The following GUCA1C variants were observed in gnomAD, a reference collection of about 807,000 sequenced individuals.
The protein encoded by GUCA1C is guanylyl cyclase-activating protein 3.
In GUCA1C, 15 loss-of-function variants were observed where a neutral mutation model predicts 16.2. That is an observed-to-expected ratio of 0.93 (90% CI 0.62 to 1.43). The LOEUF is 1.43. Among genes scored for constraint, GUCA1C ranks in the 40% most tolerant of loss-of-function variants. The pLI is 0.00. For synonymous variants in GUCA1C, 78 were observed against 85.4 expected, an observed-to-expected ratio of 0.91 and a Z score of 0.48; for missense variants, 275 against 244.8, an observed-to-expected ratio of 1.12 and a Z score of -0.82.
chr3:108,931,687 A>G (rs1243883006), intron 1 of GUCA1C, among the ~76,000 whole-genome samples: 1 of 152,124 alleles, frequency 6.6e-6, no homozygotes, highest in Non-Finnish European at 1.5e-5. Context: ...TCTATGAATC[A>G]GGAGGAAAAA....
rs780451064 is a variant in GUCA1C at position 108,953,737 on chromosome 3, C to T, written c.26G>A (p.Gly9Asp). The T allele has an allele frequency of 6.2e-6, 10 of 1,612,960 alleles. No individual in the cohort carries two copies. Among genetic ancestry groups the T allele is most frequent in the Non-Finnish European group, 8.5e-6 (10 of 1,178,994 alleles). Reference sequence around the variant, plus strand: ...TTGTGTAGGAACTGCTTTCTGATCACCAGCTATAGATTTGCCATTCCCCAT... The same window carrying T: ...TTGTGTAGGAACTGCTTTCTGATCATCAGCTATAGATTTGCCATTCCCCAT... MGNGKSIA[G>D]DQKAVPTQET... Residue 9 changes from glycine to aspartate, a missense_variant, in exon 1 of 4, where the codon GGT (glycine) becomes GAT (aspartate). Physicochemically the swap from Gly to Asp is moderately conservative, Grantham distance 94. Transcript: ENST00000261047.
chr3:108,941,932 C>T (rs961909830), intron 1 of GUCA1C, among the ~76,000 whole-genome samples: 1 of 152,196 alleles, frequency 6.6e-6, no homozygotes, highest in Non-Finnish European at 1.5e-5. Context: ...GCCAGTTATG[C>T]TCTAGCTGTA....
intron 1 of GUCA1C, among the ~76,000 whole-genome samples, chr3:108,934,304 C>T (rs145030340): frequency 4.6e-5 from 7 of 152,150 alleles, no homozygotes; most frequent in African/African-American, 1.7e-4. Flanking sequence ...TGTAACAAAC[C>T]TGCATGCTTT....
chr3:108,914,603 A>T lies in GUCA1C; in HGVS notation c.442+1524T>A, dbSNP rs140276478. On this transcript the variant is annotated intron_variant, in intron 3 of 3. Transcript: ENST00000261047. ...ATAAACCAAGTCTTAAAACTTTGTG[A>T]TGTCCCATCTACTTCCGGAGTACTC... Among the ~76,000 whole-genome samples, 91 of 152,314 alleles carry T rather than the reference A, an allele frequency of 6.0e-4. 1 individual carries two copies. The highest frequency in any genetic ancestry group is 2.2e-3 in the African/African-American group (90 of 41,572).
chr3:108,937,983 T>C (rs924002974), intron 1 of GUCA1C, among the ~76,000 whole-genome samples: 4 of 151,994 alleles, frequency 2.6e-5, no homozygotes, highest in African/African-American at 9.7e-5. Flanking sequence ...AGACAGAGAA[T>C]TGCTTGAACC....
chr3:108,913,998 G>A (rs533753399), intron 3 of GUCA1C, among the ~76,000 whole-genome samples: 7 of 151,024 alleles, frequency 4.6e-5, no homozygotes, highest in African/African-American at 1.5e-4. Flanking sequence ...CCCAGGAGGC[G>A]GAGGTTGCAG....
chr3:108,953,460 A>G, intron 1 of GUCA1C, 99 bp downstream of exon 1: 1 of 764,672 alleles, frequency 1.3e-6, no homozygotes, highest in Non-Finnish European at 2.2e-6. Context: ...AGTGGGATGT[A>G]CACATTTTAC....
intron 1 of GUCA1C, among the ~76,000 whole-genome samples, chr3:108,937,725 G>A (rs1454662417): frequency 6.6e-6 from 1 of 152,130 alleles, no homozygotes; most frequent in Non-Finnish European, 1.5e-5. Context: ...TTCTAATAAG[G>A]CCCTACACAG....
intron 1 of GUCA1C, among the ~76,000 whole-genome samples, chr3:108,945,164 C>T (rs1313225143): frequency 2.0e-5 from 3 of 152,210 alleles, no homozygotes; most frequent in African/African-American, 4.8e-5. Context: ...GTGAAGCCTA[C>T]GGATGCTTAG....
In GUCA1C at chr3:108,917,820, C is replaced by T. The variant is rs566616072; in HGVS notation, c.355-1606G>A. ...CAGCACTTTGGGAGGCTGAGGTGGG[C>T]GGATCACGAGGTCAGGAGTTCATAG... On this transcript the variant is annotated intron_variant, in intron 2 of 3. Coordinates refer to ENST00000261047, the MANE Select transcript of GUCA1C (RefSeq NM_005459.4). 4.6e-5 allele frequency among the ~76,000 whole-genome samples: 7 copies of T among 152,130 alleles called. No homozygotes were observed. The East Asian group carries it at 7.8e-4, about 17-fold the overall frequency.
At chr3:108,938,135 G>A (rs774025807) in intron 1 of GUCA1C, among the ~76,000 whole-genome samples, 3 of 151,886 alleles carry the variant, frequency 2.0e-5, no homozygotes, top group Admixed American at 1.3e-4. Flanking sequence ...TTTATTCTAT[G>A]TACTCTCTAA....
intron 1 of GUCA1C, among the ~76,000 whole-genome samples, chr3:108,937,808 C>G (rs1374205131): frequency 6.6e-6 from 1 of 152,164 alleles, no homozygotes; most frequent in Non-Finnish European, 1.5e-5. Context: ...CGCGGTGGCT[C>G]AAGCCTGTAA....
rs755944040 is a variant in GUCA1C, at chr3:108,920,538, G to C, written c.252C>G (p.Ile84Met). 3.8e-6 allele frequency: 6 copies of C among 1,561,912 alleles called. No individual in the cohort carries two copies. The South Asian group carries it at 6.7e-5, about 17-fold the overall frequency. The change falls in exon 2 of 4, where the codon ATC (isoleucine) becomes ATG (methionine). Residue 84 changes from isoleucine (I) to methionine (M), a missense_variant. Coordinates refer to ENST00000261047, the MANE Select transcript of GUCA1C (RefSeq NM_005459.4). ...ATTTTTGCTCCATTTTTTCTTGCAT[G>C]ATTAGATTTACAGCAGCAATAAACT... Reference protein sequence around the residue: ...FLEFIAAVNLIMQEKMEQKLK... With the variant: ...FLEFIAAVNLMMQEKMEQKLK...
Position 108,907,912 on chromosome 3 carries a change from T to C in GUCA1C, c.*110A>G. ...AATAAGTGCTATATTCACAAGCCTA[T>C]ATGAATTATAACAAAGACCTGAAAT... On this transcript the variant is annotated 3_prime_UTR_variant, in exon 4 of 4. Coordinates refer to ENST00000261047, the MANE Select transcript of GUCA1C (RefSeq NM_005459.4). 1.3e-6 allele frequency: 1 copy of C among 741,066 alleles called. No individual in the cohort carries two copies. The highest frequency in any genetic ancestry group is 2.2e-6 in the Non-Finnish European group (1 of 449,590). 45.9% of individuals were successfully genotyped at this position (741,066 alleles called of 1,614,324 possible). A position where few individuals can be genotyped will look rare whatever the true frequency, so the allele number is the denominator to read the frequency against.
intron 1 of GUCA1C, among the ~76,000 whole-genome samples, chr3:108,925,795 G>A (rs1946618085): frequency 6.6e-6 from 1 of 152,002 alleles, no homozygotes; most frequent in Admixed American, 6.6e-5. Flanking sequence ...TTATAAATTT[G>A]GGAGCTCCAG....
intron 1 of GUCA1C, among the ~76,000 whole-genome samples, chr3:108,943,994 A>G (rs1450861982): frequency 6.6e-6 from 1 of 152,088 alleles, no homozygotes; most frequent in African/African-American, 2.4e-5. Context: ...AAATAAATAT[A>G]ATGATAAACC....
chr3:108,912,314 T>C lies in GUCA1C; in HGVS notation c.442+3813A>G, dbSNP rs180802559. ...TCAAGAATGATGCCTAAATAGAGCATGGTAGAATATGGATTGCTATTCTTC... is the reference window on the plus strand; with the variant it reads ...TCAAGAATGATGCCTAAATAGAGCACGGTAGAATATGGATTGCTATTCTTC... On this transcript the variant is annotated intron_variant, in intron 3 of 3. Coordinates refer to ENST00000261047, the MANE Select transcript of GUCA1C (RefSeq NM_005459.4). Among the ~76,000 whole-genome samples the C allele has an allele frequency of 7.2e-5, 11 of 151,972 alleles. No individual in the cohort carries two copies. The East Asian group carries it at 2.1e-3, about 29-fold the overall frequency.
chr3:108,932,390 G>C (rs944447791), intron 1 of GUCA1C, among the ~76,000 whole-genome samples: 8 of 149,110 alleles, frequency 5.4e-5, no homozygotes, highest in Non-Finnish European at 1.0e-4. Flanking sequence ...CCAAGAGTCT[G>C]CATTTTAAAA....
At chr3:108,937,356 G>A (rs368388753) in intron 1 of GUCA1C, among the ~76,000 whole-genome samples, 7 of 152,212 alleles carry the variant, frequency 4.6e-5, no homozygotes, top group East Asian at 3.9e-4. Context: ...TGGTCCCACC[G>A]TTGCTCCCTC....
Sources: allele counts gnomAD v4.1 joint callset (sites outside exome capture counted in the v4.1 genomes callset), GRCh38; gene constraint gnomAD v4.1.1; transcripts MANE v1.5; gene names NCBI Gene and HGNC (gene_info 2026-07-23, HGNC 2026-07-21).